CEP162: variants seen among roughly 807,000 people sequenced by gnomAD.
The protein encoded by CEP162 is centrosomal protein 162.
A neutral mutation model predicts 169.2 loss-of-function variants in CEP162; 141 were observed. The observed-to-expected ratio is 0.83, with a 90% CI of 0.73 to 0.96. The LOEUF (loss-of-function observed/expected upper bound fraction) is 0.96. Ranked by LOEUF, CEP162 falls within the 40% of genes least tolerant of loss-of-function variation. CEP162 has a pLI of 0.00. For synonymous variants in CEP162, 540 were observed against 526.4 expected (o/e 1.03, Z -0.35); for missense variants, 1,600 against 1,587.2 (o/e 1.01, Z -0.14).
intron 19 of CEP162, among the ~76,000 whole-genome samples, chr6:84,162,514 T>C (rs541123751): frequency 1.9e-4 from 29 of 152,246 alleles, no homozygotes; most frequent in Non-Finnish European, 3.5e-4. Flanking sequence ...GCTCCTCTGA[T>C]CTAACTTTCT....
At chr6:84,211,380 T>C (rs1487383088) in intron 6 of CEP162, among the ~76,000 whole-genome samples, 1 of 151,482 alleles carries the variant, frequency 6.6e-6, no homozygotes, top group East Asian at 1.9e-4. Context: ...TACAAAAGAT[T>C]AGCCAGGTGT....
At chr6:84,156,382 TTAAA>T (rs1438194577) in intron 21 of CEP162, among the ~76,000 whole-genome samples, 1 of 151,970 alleles carries the variant, frequency 6.6e-6, no homozygotes, top group Admixed American at 6.6e-5. Flanking sequence ...TGGGACTTAA[TTAAA>T]TAACCCCATT....
chr6:84,152,954 T>C lies in CEP162; in HGVS notation c.3220A>G (p.Ile1074Val), dbSNP rs1157668025. ...NDKDDEDFQS[I>V]EFQVEQAHAK... Reference sequence around the variant, plus strand: ...TGAGCCTGTTCCACCTGGAATTCTATAGACTGAAAATCTTCATCATCTTTA... The same window carrying C: ...TGAGCCTGTTCCACCTGGAATTCTACAGACTGAAAATCTTCATCATCTTTA... Residue 1074 changes from isoleucine (I) to valine (V), a missense_variant, in exon 23 of 27, where the codon ATA (isoleucine) becomes GTA (valine). By Grantham distance (29) the Ile-to-Val change is conservative (BLOSUM62 3). Transcript: ENST00000403245. 5.6e-6 allele frequency: 9 copies of C among 1,613,636 alleles called. No individual in the cohort carries two copies. Among genetic ancestry groups the C allele is most frequent in the Admixed American group, 1.7e-5 (1 of 59,916 alleles).
chr6:84,203,510 T>C (rs1327988904), intron 7 of CEP162, among the ~76,000 whole-genome samples: 1 of 152,192 alleles, frequency 6.6e-6, no homozygotes, highest in African/African-American at 2.4e-5. Context: ...AGTGACATGA[T>C]CACAGCTCAC....
At chr6:84,212,157 C>T (rs760593914) in intron 6 of CEP162, among the ~76,000 whole-genome samples, 2 of 152,012 alleles carry the variant, frequency 1.3e-5, no homozygotes, top group Non-Finnish European at 2.9e-5. Flanking sequence ...GTAACCTGCA[C>T]TACAAGAAAT....
At chr6:84,189,325 C>A (rs1052522091) in intron 11 of CEP162, among the ~76,000 whole-genome samples, 5 of 152,186 alleles carry the variant, frequency 3.3e-5, no homozygotes, top group Non-Finnish European at 5.9e-5. Context: ...TCTGGGCTGG[C>A]CAAGGCCAGA....
At chr6:84,172,294 A>G (rs954620072) in intron 16 of CEP162, among the ~76,000 whole-genome samples, 2 of 152,214 alleles carry the variant, frequency 1.3e-5, no homozygotes, top group Admixed American at 6.5e-5. Flanking sequence ...CCAGTTCACC[A>G]CAAGGCTTGA....
intron 25 of CEP162, 98 bp from the exon 26 acceptor site, chr6:84,126,610 A>C: frequency 1.2e-6 from 1 of 804,100 alleles, no homozygotes; most frequent in Non-Finnish European, 1.8e-6. Flanking sequence ...TCTCTATATA[A>C]GTAAGAGGCA....
chr6:84,227,124 C>A (rs980854334), intron 1 of CEP162, among the ~76,000 whole-genome samples: 1 of 152,136 alleles, frequency 6.6e-6, no homozygotes, highest in Non-Finnish European at 1.5e-5. Flanking sequence ...TGATTTGCAA[C>A]GGAAAGCGTT....
At chr6:84,193,749 T>G (rs2099540876) in intron 10 of CEP162, 59 bp from the exon 11 acceptor site, 2 of 988,182 alleles carry the variant, frequency 2.0e-6, no homozygotes, top group Non-Finnish European at 3.0e-6. Context: ...TTAATTTACA[T>G]GTGTAATAAC....
intron 25 of CEP162, among the ~76,000 whole-genome samples, chr6:84,135,885 C>G (rs2099513870): frequency 6.6e-6 from 1 of 152,300 alleles, no homozygotes. Context: ...AAAAATGAGC[C>G]TGGTACACTG....
chr6:84,201,031 C>A (rs1343547137), intron 8 of CEP162, 126 bp from the exon 9 acceptor site: 6 of 448,186 alleles, frequency 1.3e-5, no homozygotes, highest in East Asian at 3.9e-5. Context: ...GTAATCCCAG[C>A]ACTTTGGGAG....
chr6:84,195,046 C>T lies in CEP162; in HGVS notation c.865G>A (p.Val289Ile), dbSNP rs149398545. The part of the protein sequence containing the change: ...GVSYGQSSSD[V>I]EALHQAYCHI... ...CAATAAGCTTGATGTAGGGCTTCAA[C>T]GTCACTACTGCTTTGTCCATAAGAA... Residue 289 changes from valine (V) to isoleucine (I), a missense_variant, in exon 10 of 27, where the codon GTT becomes ATT. By Grantham distance (29) the Val-to-Ile change is conservative. Transcript: ENST00000403245. 25 of 1,601,404 alleles carry T rather than the reference C, an allele frequency of 1.6e-5. No individual in the cohort carries two copies. Among genetic ancestry groups the T allele is most frequent in the Middle Eastern group, 1.6e-4 (1 of 6,064 alleles).
intron 2 of CEP162, among the ~76,000 whole-genome samples, chr6:84,225,108 A>G (rs1449486161): frequency 1.3e-5 from 2 of 152,202 alleles, no homozygotes; most frequent in African/African-American, 4.8e-5. Context: ...TAATAGCTTA[A>G]AATGTGACTC....
intron 12 of CEP162, 86 bp downstream of exon 12, chr6:84,186,246 A>G (rs2099537086): frequency 1.4e-6 from 1 of 737,050 alleles, no homozygotes; most frequent in Non-Finnish European, 2.2e-6. Flanking sequence ...ACTAGTTTAA[A>G]AAGCACACAC....
At chr6:84,142,480 C>G (rs1258183905) in intron 25 of CEP162, among the ~76,000 whole-genome samples, 1 of 151,980 alleles carries the variant, frequency 6.6e-6, no homozygotes, top group African/African-American at 2.4e-5. Flanking sequence ...CATAAAAGAG[C>G]ACTATTTAAT....
chr6:84,223,497 T>G (rs1477804153), intron 2 of CEP162, among the ~76,000 whole-genome samples: 1 of 143,654 alleles, frequency 7.0e-6, no homozygotes, highest in African/African-American at 2.6e-5. Flanking sequence ...AGGCTCTATC[T>G]CAAAAATAAA....
intron 25 of CEP162, among the ~76,000 whole-genome samples, chr6:84,142,508 A>G (rs2099517111): frequency 6.6e-6 from 1 of 152,192 alleles, no homozygotes; most frequent in African/African-American, 2.4e-5. Context: ...CAGAAAAAGA[A>G]GCACTTACAC....
At chr6:84,131,330 G>A (rs1275890898) in intron 25 of CEP162, among the ~76,000 whole-genome samples, 1 of 152,182 alleles carries the variant, frequency 6.6e-6, no homozygotes, top group Non-Finnish European at 1.5e-5. Context: ...CTGTTGATTT[G>A]GGGTGGAGAG....
Sources: gnomAD v4.1 joint callset for allele counts (sites outside exome capture counted in the v4.1 genomes callset) on GRCh38, gnomAD v4.1.1 for gene constraint, MANE v1.5 for transcripts, NCBI Gene and HGNC (gene_info 2026-07-23, HGNC 2026-07-21) for gene names.